The following POM121L2 variants were observed in gnomAD, a reference collection of about 807,000 sequenced individuals.
The protein encoded by POM121L2 is POM121 transmembrane nucleoporin like 2.
For missense variants in POM121L2, 1,167 were observed against 1,260.3 expected (o/e 0.93, Z 1.12); for synonymous variants, 459 against 483.8 (o/e 0.95, Z 0.67).
At position 27,311,579 on chromosome 6, in the gene POM121L2, G is replaced by T. The variant is rs1760746504; in HGVS notation, c.592C>A (p.Pro198Thr). 1.9e-6 allele frequency: 3 copies of T among 1,551,576 alleles called. No individual in the cohort carries two copies. The South Asian group carries it at 3.6e-5, about 18-fold the overall frequency. ...SPETRPSAFK[P>T]LMKNGTLTSF... ...GTGAGGGTTCCATTTTTCATCAGGG[G>T]CTTAAATGCCGATGGTCTGGTCTCT... is the stretch of plus-strand genomic sequence containing the variant. The change falls in exon 1 of 1, where the codon CCC (proline) becomes ACC (threonine). Residue 198 changes from proline to threonine, a missense_variant. Physicochemically the swap from Pro to Thr is conservative, Grantham distance 38 (BLOSUM62 -1). Coordinates refer to ENST00000444565, the MANE Select transcript of POM121L2 (RefSeq NM_033482.4).
rs1205278781 is a variant in POM121L2 at position 27,310,130 on chromosome 6, T to G, written c.2041A>C (p.Thr681Pro). The G allele has an allele frequency of 6.4e-7, 1 of 1,551,822 alleles. No individual in the cohort carries two copies. The highest frequency in any genetic ancestry group is 8.7e-7 in the Non-Finnish European group (1 of 1,147,046). ...QAFRADFTPATGFIFPPHHHP... is the reference protein window; with the variant it reads ...QAFRADFTPAPGFIFPPHHHP... ...TGGTGTGGTGGGAAAATGAATCCTGTGGCTGGGGTGAAGTCGGCCCTGAAG... is the reference window on the plus strand; with the variant it reads ...TGGTGTGGTGGGAAAATGAATCCTGGGGCTGGGGTGAAGTCGGCCCTGAAG... Residue 681 changes from threonine to proline, a missense_variant, in exon 1 of 1, where the codon ACA becomes CCA. Physicochemically the swap from Thr to Pro is conservative, Grantham distance 38 (BLOSUM62 -1). Coordinates refer to ENST00000444565, the MANE Select transcript of POM121L2 (RefSeq NM_033482.4).
rs1396450464 is a variant in POM121L2, at chr6:27,311,064, C to G, written c.1107G>C (p.Glu369Asp). 7 of 1,551,980 alleles carry G rather than the reference C, an allele frequency of 4.5e-6. No individual in the cohort carries two copies. The change falls in exon 1 of 1, where the codon GAG (glutamate) becomes GAC (aspartate). Residue 369 changes from glutamate (E) to aspartate (D), a missense_variant. By Grantham distance (45) the Glu-to-Asp change is conservative. Coordinates refer to ENST00000444565, the MANE Select transcript of POM121L2 (RefSeq NM_033482.4). Reference sequence around the variant, plus strand: ...TCTCAGGGAAAGGGTCTGTGTTGACCTCAGTTGTATCTTCTCCTGCGTTGT... The same window carrying G: ...TCTCAGGGAAAGGGTCTGTGTTGACGTCAGTTGTATCTTCTCCTGCGTTGT... Reference protein sequence around the residue: ...VSNNAGEDTTEVNTDPFPETW... With the variant: ...VSNNAGEDTTDVNTDPFPETW...
In POM121L2 at chr6:27,310,722, C is replaced by T. The variant is rs144638896; in HGVS notation, c.1449G>A (p.Pro483=). The part of the protein sequence containing the change: ...PTLPVTDTTW[P]PSTSQADRSP... ...ACCTGTCAGCCTGAGAGGTTGAAGGCGGCCAGGTGGTGTCAGTAACTGGTA... is the reference window on the plus strand; with the variant it reads ...ACCTGTCAGCCTGAGAGGTTGAAGGTGGCCAGGTGGTGTCAGTAACTGGTA... Residue 483 remains proline (P), a synonymous_variant, in exon 1 of 1, where the codon CCG becomes CCA. Coordinates refer to ENST00000444565, the MANE Select transcript of POM121L2 (RefSeq NM_033482.4). 344 of 1,551,806 alleles carry T rather than the reference C, an allele frequency of 2.2e-4. 2 individuals are homozygous for T. Among genetic ancestry groups the T allele is most frequent in the East Asian group, 1.7e-3 (71 of 40,902 alleles).
chr6:27,312,062 G>C lies in POM121L2; in HGVS notation c.109C>G (p.Gln37Glu). ...TGGACGAACTGAACCCGATGAACTT[G>C]GTGAAGGGGCTGAGGTGGCCGGCGT... The part of the protein sequence containing the change: ...TKRRPPQPLH[Q>E]VHRVQFVHRA... The change falls in exon 1 of 1, where the codon CAA becomes GAA. Residue 37 changes from glutamine to glutamate, a missense_variant. Physicochemically the swap from Gln to Glu is conservative, Grantham distance 29. Transcript: ENST00000444565. The surrounding 1 kb of genome is among the most constrained non-coding windows in gnomAD (Gnocchi z 6.7). The C allele has an allele frequency of 2.0e-6, 3 of 1,519,954 alleles. No individual in the cohort carries two copies. Among genetic ancestry groups the C allele is most frequent in the South Asian group, 1.3e-5 (1 of 79,006 alleles). The allele number at this position is 1,519,954 out of a possible 1,614,324, so 94.2% of individuals were successfully genotyped here. A position where few individuals can be genotyped will look rare whatever the true frequency, so the allele number is the denominator to read the frequency against.
In POM121L2 at chr6:27,308,923, G is replaced by T; in HGVS notation, c.*140C>A. ...GTCCTTCACTTTCGTCAAGGATGTA[G>T]ATTAGGACACACAGTGTGAACATCT... is the stretch of plus-strand genomic sequence containing the variant. On this transcript the variant is annotated 3_prime_UTR_variant, in exon 1 of 1. Transcript: ENST00000444565. The T allele has an allele frequency of 1.4e-6, 1 of 723,534 alleles. No individual in the cohort carries two copies. Among genetic ancestry groups the T allele is most frequent in the Non-Finnish European group, 2.3e-6 (1 of 443,122 alleles). The allele number at this position is 723,534 out of a possible 1,614,324, so 44.8% of individuals were successfully genotyped here.
chr6:27,309,177 A>G lies in POM121L2; in HGVS notation c.2994T>C (p.Val998=). 6.4e-7 allele frequency: 1 copy of G among 1,551,808 alleles called. No homozygotes were observed. The highest frequency in any genetic ancestry group is 1.4e-5 in the African/African-American group (1 of 73,178). The change falls in exon 1 of 1, where the codon GTT becomes GTC. Residue 998 remains valine (V), a synonymous_variant. Transcript: ENST00000444565. ...CTGATGATCTAAAAGGTCCTCTCCC[A>G]ACAGAGCCCTGGGCAGGTGGAAAAG... is the stretch of plus-strand genomic sequence containing the variant. The part of the protein sequence containing the change: ...GMPFPPAQGS[V]GRGPFRSSAS...
chr6:27,311,900 GC>G, upstream of POM121L2: 1 of 1,551,726 alleles, frequency 6.4e-7, no homozygotes, highest in South Asian at 1.2e-5. Flanking sequence ...GAAGGGAGAG[GC>G]CCCAGGGGGG....
Position 27,309,333 on chromosome 6 carries a change from C to T in POM121L2, c.2838G>A (p.Leu946=). The T allele has an allele frequency of 6.4e-7, 1 of 1,551,266 alleles. No homozygotes were observed. The highest frequency in any genetic ancestry group is 8.7e-7 in the Non-Finnish European group (1 of 1,146,764). The part of the protein sequence containing the change: ...GKGWSQNTEG[L]PSHRTAFSLG... Reference sequence around the variant, plus strand: ...AGGAAAAAGCTGTGCGGTGGCTGGGCAGGCCTTCAGTGTTCTGGCTCCAGC... The same window carrying T: ...AGGAAAAAGCTGTGCGGTGGCTGGGTAGGCCTTCAGTGTTCTGGCTCCAGC... The change falls in exon 1 of 1, where the codon CTG becomes CTA. Residue 946 remains leucine (L), a synonymous_variant. Coordinates refer to ENST00000444565, the MANE Select transcript of POM121L2 (RefSeq NM_033482.4).
At position 27,311,533 on chromosome 6, in the gene POM121L2, C is replaced by T. The variant is rs1359294498; in HGVS notation, c.638G>A (p.Gly213Glu). The change falls in exon 1 of 1, where the codon GGG becomes GAG. Residue 213 changes from glycine to glutamate, a missense_variant. Transcript: ENST00000444565. ...GGAGTGGAGACTTCTCTTCAGCGGC[C>T]CAGGCCTGGGCACAAAAGAAGTGAG... ...GTLTSFVPRP[G>E]PLKRSLHSWG... is the part of the protein sequence containing the mutation. The T allele has an allele frequency of 6.4e-7, 1 of 1,551,596 alleles. No individual in the cohort carries two copies. Among genetic ancestry groups the T allele is most frequent in the African/African-American group, 1.4e-5 (1 of 73,030 alleles).
rs1198784866 is a variant in POM121L2 at position 27,310,505 on chromosome 6, C to A, written c.1666G>T (p.Val556Phe). ...IGSSSYSRISVTAAASSISSL... is the reference protein window; with the variant it reads ...IGSSSYSRISFTAAASSISSL... ...GAGATTGAAGATGCTGCAGCTGTGACTGAAATTCTGGAATATGAGGAGCTT... is the reference window on the plus strand; with the variant it reads ...GAGATTGAAGATGCTGCAGCTGTGAATGAAATTCTGGAATATGAGGAGCTT... The change falls in exon 1 of 1, where the codon GTC (valine) becomes TTC (phenylalanine). Residue 556 changes from valine to phenylalanine, a missense_variant. Transcript: ENST00000444565. The A allele has an allele frequency of 1.9e-6, 3 of 1,552,290 alleles. No individual in the cohort carries two copies. The highest frequency in any genetic ancestry group is 1.7e-4 in the Middle Eastern group (1 of 5,998).
Position 27,308,598 on chromosome 6 carries a change from A to G in POM121L2, c.*465T>C, listed in dbSNP as rs1760701505. ...TGCTGAGTGAAGGAAGCCAGTCTCC[A>G]AAGGTTACATACTGTTTGATTCCAT... On this transcript the variant is annotated 3_prime_UTR_variant, in exon 1 of 1. Coordinates refer to ENST00000444565, the MANE Select transcript of POM121L2 (RefSeq NM_033482.4). 6.6e-6 allele frequency among the ~76,000 whole-genome samples: 1 copy of G among 152,248 alleles called. No individual in the cohort carries two copies. Among genetic ancestry groups the G allele is most frequent in the Admixed American group, 6.5e-5 (1 of 15,290 alleles).
Position 27,312,231 on chromosome 6 carries a change from C to A in POM121L2, c.-61G>T. ...CGGTTTTGGCTTCCGAGGTTTCGGA[C>A]GTCTGCAGAATCGGACAGAGTCGAA... On this transcript the variant is annotated 5_prime_UTR_variant, in exon 1 of 1. Transcript: ENST00000444565. The surrounding 1 kb of genome is among the most constrained non-coding windows in gnomAD (Gnocchi z 6.7). The A allele has an allele frequency of 5.7e-6, 6 of 1,053,498 alleles. No homozygotes were observed. The highest frequency in any genetic ancestry group is 7.9e-6 in the Non-Finnish European group (6 of 755,582). 65.3% of individuals were successfully genotyped at this position (1,053,498 alleles called of 1,614,324 possible).
In POM121L2 at chr6:27,309,027, G is replaced by A; in HGVS notation, c.*36C>T. On this transcript the variant is annotated 3_prime_UTR_variant, in exon 1 of 1. Transcript: ENST00000444565. ...TGAGGTTTTTCAAAAACAATACTGAGGTCTAAATCAGGGTGCAAGTGACAG... is the reference window on the plus strand; with the variant it reads ...TGAGGTTTTTCAAAAACAATACTGAAGTCTAAATCAGGGTGCAAGTGACAG... 2.1e-6 allele frequency: 3 copies of A among 1,463,400 alleles called. No homozygotes were observed. The highest frequency in any genetic ancestry group is 2.8e-6 in the Non-Finnish European group (3 of 1,088,796). The allele number at this position is 1,463,400 out of a possible 1,614,324, so 90.7% of individuals were successfully genotyped here.
At position 27,311,544 on chromosome 6, in the gene POM121L2, C is replaced by G; in HGVS notation, c.627G>C (p.Val209=). The change falls in exon 1 of 1, where the codon GTG becomes GTC. Residue 209 remains valine (V), a synonymous_variant. Transcript: ENST00000444565. ...TTCTCTTCAGCGGCCCAGGCCTGGG[C>G]ACAAAAGAAGTGAGGGTTCCATTTT... ...LMKNGTLTSF[V]PRPGPLKRSL... 1 of 1,551,714 alleles carries G rather than the reference C, an allele frequency of 6.4e-7. No individual in the cohort carries two copies. Among genetic ancestry groups the G allele is most frequent in the Non-Finnish European group, 8.7e-7 (1 of 1,147,016 alleles).
rs1251068642 is a variant in POM121L2, at chr6:27,309,038, G to T, written c.*25C>A. The T allele has an allele frequency of 2.0e-6, 3 of 1,502,892 alleles. No homozygotes were observed. The highest frequency in any genetic ancestry group is 2.7e-6 in the Non-Finnish European group (3 of 1,117,338). The allele number at this position is 1,502,892 out of a possible 1,614,324, so 93.1% of individuals were successfully genotyped here. On this transcript the variant is annotated 3_prime_UTR_variant, in exon 1 of 1. Coordinates refer to ENST00000444565, the MANE Select transcript of POM121L2 (RefSeq NM_033482.4). The stretch of plus-strand genomic sequence containing the variant: ...AAAAACAATACTGAGGTCTAAATCA[G>T]GGTGCAAGTGACAGGGAACACAGGC...
chr6:27,310,893 C>G lies in POM121L2; in HGVS notation c.1278G>C (p.Glu426Asp), dbSNP rs1760736193. 1.3e-6 allele frequency: 2 copies of G among 1,551,680 alleles called. No homozygotes were observed. The highest frequency in any genetic ancestry group is 1.7e-6 in the Non-Finnish European group (2 of 1,147,018). Residue 426 changes from glutamate (E) to aspartate (D), a missense_variant, in exon 1 of 1, where the codon GAG becomes GAC. Physicochemically the swap from Glu to Asp is conservative, Grantham distance 45. Coordinates refer to ENST00000444565, the MANE Select transcript of POM121L2 (RefSeq NM_033482.4). ...AAGGAGAATGGGCCACACTGGTTGC[C>G]TCTCCCGTGGACTGTGGAGAGGCCA... ...GPLASPQSTG[E>D]ATSVAHSPLK...
In POM121L2 at chr6:27,311,979, A is replaced by T. The variant is rs1340294662; in HGVS notation, c.192T>A (p.Pro64=). 6.4e-7 allele frequency: 1 copy of T among 1,550,792 alleles called. No homozygotes were observed. Among genetic ancestry groups the T allele is most frequent in the Non-Finnish European group, 8.7e-7 (1 of 1,146,502 alleles). ...TGGCCAGCCACGTGGTTGGATTGGC[A>T]GGATCCAGGTTTGGCCGCCTCCTCA... ...RPVRRRPNLD[P]ANPTTWLANE... The change falls in exon 1 of 1, where the codon CCT becomes CCA. Residue 64 remains proline, a synonymous_variant. Coordinates refer to ENST00000444565, the MANE Select transcript of POM121L2 (RefSeq NM_033482.4).
chr6:27,309,428 TG>T (rs1325907777), intron 1 of POM121L2: 61 of 1,551,244 alleles, frequency 3.9e-5, no homozygotes, highest in Non-Finnish European at 5.2e-5. Context: ...GCTCCAGAGG[TG>T]GGGCTCATGT....
At position 27,309,646 on chromosome 6, in the gene POM121L2, G is replaced by A. The variant is rs1341351539; in HGVS notation, c.2525C>T (p.Ala842Val). ...TPSASTSQTP[A>V]STWSGIGGIP... ...GCCGCCAATGCCTGACCAGGTGCTG[G>A]CAGGGGTTTGAGAGGTGGAGGCTGA... The change falls in exon 1 of 1, where the codon GCC (alanine) becomes GTC (valine). Residue 842 changes from alanine to valine, a missense_variant. By Grantham distance (64) the Ala-to-Val change is moderately conservative (BLOSUM62 0). Transcript: ENST00000444565. 1.5e-5 allele frequency: 23 copies of A among 1,551,650 alleles called. No individual in the cohort carries two copies. Among genetic ancestry groups the A allele is most frequent in the Non-Finnish European group, 1.9e-5 (22 of 1,147,020 alleles).
Sources: allele counts gnomAD v4.1 joint callset (sites outside exome capture counted in the v4.1 genomes callset), GRCh38; gene constraint gnomAD v4.1.1; non-coding constraint Gnocchi (gnomAD v3.1); transcripts MANE v1.5; gene names NCBI Gene and HGNC (gene_info 2026-07-23, HGNC 2026-07-21).